Variants in HTR1D observed in about 807,000 individuals in gnomAD.
The protein encoded by HTR1D is 5-HT-1D.
HTR1D carries 18 observed loss-of-function variants against 21.1 expected under a neutral mutation model. The observed-to-expected ratio is 0.85, with a 90% confidence interval of 0.59 to 1.27. The LOEUF (loss-of-function observed/expected upper bound fraction) is 1.27, where lower values mean the gene tolerates loss of function less well. HTR1D is among the 50% of genes most tolerant of loss of function. The probability of loss-of-function intolerance (pLI) is 0.00; values close to 1 mark genes in which losing one functional copy is unlikely to be tolerated. For missense variants in HTR1D, 456 were observed against 481.4 expected, an observed-to-expected ratio of 0.95 and a Z score of 0.49; for synonymous variants, 196 against 204.4, an observed-to-expected ratio of 0.96 and a Z score of 0.35.
chr1:23,208,098 C>A (rs1341765868), intron 1 of HTR1D, among the ~76,000 whole-genome samples: 2 of 151,912 alleles, frequency 1.3e-5, no homozygotes, highest in Admixed American at 1.3e-4. Flanking sequence ...TCACTATATT[C>A]GCCCATGCTG....
chr1:23,202,238 A>G (rs887692305), intron 1 of HTR1D, among the ~76,000 whole-genome samples: 3 of 151,994 alleles, frequency 2.0e-5, no homozygotes, highest in African/African-American at 7.3e-5. Flanking sequence ...CTGAGATTAC[A>G]GGCATGCACC....
Position 23,193,723 on chromosome 1 carries a change from G to A in HTR1D, c.497C>T (p.Ser166Phe), listed in dbSNP as rs749559252. The change falls in exon 2 of 2, where the codon TCC becomes TTC. Residue 166 changes from serine (S) to phenylalanine (F), a missense_variant. Transcript: ENST00000374619. The stretch of plus-strand genomic sequence containing the variant: ...GAGCGGGGGGATGGAGATGCAGATG[G>A]AGATGGCCCAGACAATGGCGATCAT... ...ATMIAIVWAI[S>F]ICISIPPLFW... 16 of 1,614,044 alleles carry A rather than the reference G, an allele frequency of 9.9e-6. No homozygotes were observed. In the South Asian group the frequency reaches 1.4e-4, roughly 14 times the overall value.
chr1:23,202,079 G>A (rs1186737800), intron 1 of HTR1D, among the ~76,000 whole-genome samples: 2 of 151,586 alleles, frequency 1.3e-5, no homozygotes, highest in South Asian at 4.2e-4. Flanking sequence ...GTTTTTTGTT[G>A]TTGTTGTTGT....
intron 1 of HTR1D, among the ~76,000 whole-genome samples, chr1:23,209,026 T>G (rs974512335): frequency 1.3e-5 from 2 of 149,878 alleles, no homozygotes; most frequent in Non-Finnish European, 3.0e-5. Flanking sequence ...GAGACAGTCT[T>G]GCTCTGTCAC....
chr1:23,213,664 G>C (rs1385534510), intron 1 of HTR1D, among the ~76,000 whole-genome samples: 1 of 152,162 alleles, frequency 6.6e-6, no homozygotes, highest in African/African-American at 2.4e-5. Context: ...CTGCCTAGAA[G>C]AGCAATCTTT....
At position 23,192,978 on chromosome 1, in the gene HTR1D, A is replaced by G; in HGVS notation, c.*108T>C. ...AATTCTGTTGATTGAACCAAGACTC[A>G]AGATACCATGAATTAATCCAAGTCT... On this transcript the variant is annotated 3_prime_UTR_variant, in exon 2 of 2. Transcript: ENST00000374619. 1.4e-6 allele frequency: 1 copy of G among 710,084 alleles called. No individual in the cohort carries two copies. Among genetic ancestry groups the G allele is most frequent in the Non-Finnish European group, 2.2e-6 (1 of 448,768 alleles). 44.0% of individuals were successfully genotyped at this position (710,084 alleles called of 1,614,324 possible). A position where few individuals can be genotyped will look rare whatever the true frequency, so the allele number is the denominator to read the frequency against.
chr1:23,203,724 CT>C (rs1399414919), intron 1 of HTR1D, among the ~76,000 whole-genome samples: 1 of 152,190 alleles, frequency 6.6e-6, no homozygotes, highest in Non-Finnish European at 1.5e-5. Flanking sequence ...CAGCCCAGTA[CT>C]TCCATTCCTA....
intron 1 of HTR1D, among the ~76,000 whole-genome samples, chr1:23,198,283 G>A (rs867653232): frequency 1.3e-5 from 2 of 150,636 alleles, no homozygotes; most frequent in South Asian, 2.1e-4. Context: ...GGAGAATGGC[G>A]TGAACCCAGG....
In HTR1D at chr1:23,194,404, T is replaced by C. The variant is rs1478875052; in HGVS notation, c.-185A>G. ...AAGTACAGTTGCAATAAAATAAAAT[T>C]AAATAACAATAATAATAATAATATT... On this transcript the variant is annotated 5_prime_UTR_variant, in exon 2 of 2. Coordinates refer to ENST00000374619, the MANE Select transcript of HTR1D (RefSeq NM_000864.5). 4.6e-6 allele frequency: 2 copies of C among 434,778 alleles called. No homozygotes were observed. Among genetic ancestry groups the C allele is most frequent in the Non-Finnish European group, 8.4e-6 (2 of 238,930 alleles). The allele number at this position is 434,778 out of a possible 1,614,324, so 26.9% of individuals were successfully genotyped here.
chr1:23,199,415 CTTTTTTTTTTTTTTTTTTTTT>C (rs71020483), intron 1 of HTR1D, among the ~76,000 whole-genome samples: 5,061 of 46,334 alleles, frequency 0.11, 271 homozygotes, highest in Non-Finnish European at 0.14. Flanking sequence ...CATGTGTGGT[CTTTTTTTTTTTTTTTTTTTTT>C]TTTTTTTTTT....
intron 1 of HTR1D, among the ~76,000 whole-genome samples, chr1:23,209,589 T>C (rs1229391337): frequency 6.6e-6 from 1 of 152,144 alleles, no homozygotes; most frequent in Non-Finnish European, 1.5e-5. Flanking sequence ...GAGTTTACTA[T>C]CTGCCAGGCA....
chr1:23,202,895 G>A (rs758386122), intron 1 of HTR1D, among the ~76,000 whole-genome samples: 2 of 152,038 alleles, frequency 1.3e-5, no homozygotes, highest in Non-Finnish European at 2.9e-5. Context: ...GAATACATGT[G>A]GGAAGAATCT....
chr1:23,192,985 C>T lies in HTR1D; in HGVS notation c.*101G>A. ...TTGATTGAACCAAGACTCAAGATAC[C>T]ATGAATTAATCCAAGTCTCAGAAAA... is the stretch of plus-strand genomic sequence containing the variant. On this transcript the variant is annotated 3_prime_UTR_variant, in exon 2 of 2. Coordinates refer to ENST00000374619, the MANE Select transcript of HTR1D (RefSeq NM_000864.5). The T allele has an allele frequency of 1.4e-6, 1 of 714,350 alleles. No individual in the cohort carries two copies. The highest frequency in any genetic ancestry group is 2.4e-5 in the South Asian group (1 of 41,548). 44.3% of individuals were successfully genotyped at this position (714,350 alleles called of 1,614,324 possible).
chr1:23,213,308 C>T (rs935705854), intron 1 of HTR1D, among the ~76,000 whole-genome samples: 2 of 152,056 alleles, frequency 1.3e-5, no homozygotes, highest in African/African-American at 4.8e-5. Context: ...GGTGAAACCC[C>T]GTCTCTACTA....
Position 23,194,356 on chromosome 1 carries a change from G to T in HTR1D, c.-137C>A. ...CACCAGAACAGACCACAGTGAAAAGGTCTCAAGACCAGACTATTCTCTAAG... is the reference window on the plus strand; with the variant it reads ...CACCAGAACAGACCACAGTGAAAAGTTCTCAAGACCAGACTATTCTCTAAG... On this transcript the variant is annotated 5_prime_UTR_variant, in exon 2 of 2. Transcript: ENST00000374619. The T allele has an allele frequency of 2.9e-6, 2 of 680,574 alleles. No individual in the cohort carries two copies. Among genetic ancestry groups the T allele is most frequent in the South Asian group, 2.0e-5 (1 of 50,332 alleles). The allele number at this position is 680,574 out of a possible 1,614,324, so 42.2% of individuals were successfully genotyped here. A position where few individuals can be genotyped will look rare whatever the true frequency, so the allele number is the denominator to read the frequency against.
chr1:23,206,077 C>T (rs774060798), intron 1 of HTR1D, among the ~76,000 whole-genome samples: 5 of 151,474 alleles, frequency 3.3e-5, no homozygotes, highest in East Asian at 2.0e-4. Context: ...AGTCTCGTTC[C>T]GTCACCCAGG....
chr1:23,199,303 T>TG (rs1280339101), intron 1 of HTR1D, among the ~76,000 whole-genome samples: 1 of 151,452 alleles, frequency 6.6e-6, no homozygotes, highest in Non-Finnish European at 1.5e-5. Flanking sequence ...TTTGTAGAGG[T>TG]GGGGTCTCCC....
chr1:23,199,014 C>A (rs543593240), intron 1 of HTR1D, among the ~76,000 whole-genome samples: 15 of 144,716 alleles, frequency 1.0e-4, no homozygotes, highest in African/African-American at 4.0e-4. Context: ...TACCACCATG[C>A]CCGGCTAATT....
intron 1 of HTR1D, among the ~76,000 whole-genome samples, 159 bp from the exon 2 acceptor site, chr1:23,195,160 C>A (rs1569753527): frequency 1.3e-5 from 2 of 152,154 alleles, no homozygotes; most frequent in Admixed American, 1.3e-4. Flanking sequence ...GGGTGATGTG[C>A]CCCACCCATG....
Sources: allele counts gnomAD v4.1 joint callset (sites outside exome capture counted in the v4.1 genomes callset), GRCh38; gene constraint gnomAD v4.1.1; transcripts MANE v1.5; gene names NCBI Gene and HGNC (gene_info 2026-07-23, HGNC 2026-07-21).